TMEM135: variants seen among roughly 807,000 people sequenced by gnomAD.
TMEM135 encodes the protein transmembrane protein 135, also known as peroxisomal membrane protein 52.
A neutral mutation model predicts 60.3 loss-of-function variants in TMEM135; 30 were observed. The ratio of observed to expected loss-of-function variants is 0.50; its 90% CI spans 0.37 to 0.68. The LOEUF is 0.68. Among genes scored for constraint, TMEM135 ranks in the 30% least tolerant of loss-of-function variants. The pLI is 0.00. For synonymous variants in TMEM135, 190 were observed against 186.7 expected, an observed-to-expected ratio of 1.02 and a Z score of -0.14; for missense variants, 468 against 548.8, an observed-to-expected ratio of 0.85 and a Z score of 1.47.
At chr11:87,253,641 AT>A (rs1941465239) in intron 6 of TMEM135, among the ~76,000 whole-genome samples, 1 of 900 alleles carries the variant, frequency 1.1e-3, no homozygotes, top group African/African-American at 4.7e-3. Context: ...CCATATATAT[AT>A]ATATATATAT....
chr11:87,082,309 A>T (rs186640989), intron 3 of TMEM135, among the ~76,000 whole-genome samples: 1 of 152,308 alleles, frequency 6.6e-6, no homozygotes, highest in East Asian at 1.9e-4. Flanking sequence ...CTGAAAAAGT[A>T]TTCTTGACTT....
At chr11:87,143,528 T>C (rs1229635602) in intron 4 of TMEM135, among the ~76,000 whole-genome samples, 4 of 152,148 alleles carry the variant, frequency 2.6e-5, no homozygotes, top group African/African-American at 9.7e-5. Flanking sequence ...GCCAGTAGGC[T>C]TTTGCTTTCT....
chr11:87,148,003 G>T (rs956450773), intron 4 of TMEM135, among the ~76,000 whole-genome samples: 9 of 152,072 alleles, frequency 5.9e-5, no homozygotes, highest in Non-Finnish European at 1.2e-4. Context: ...AGATCTGCCC[G>T]CTTCAGTCTC....
At chr11:87,179,095 T>C (rs1277796682) in intron 5 of TMEM135, among the ~76,000 whole-genome samples, 5 of 152,214 alleles carry the variant, frequency 3.3e-5, no homozygotes, top group African/African-American at 9.7e-5. Flanking sequence ...GTAATTTTTA[T>C]GGTAATTTTC....
At chr11:87,286,540 G>A (rs937765572) in intron 6 of TMEM135, among the ~76,000 whole-genome samples, 3 of 152,234 alleles carry the variant, frequency 2.0e-5, no homozygotes, top group Non-Finnish European at 4.4e-5. Flanking sequence ...GCCCTTAGGC[G>A]GTCGATGGGA....
chr11:87,246,676 T>G (rs1360714098), intron 6 of TMEM135, among the ~76,000 whole-genome samples: 2 of 146,034 alleles, frequency 1.4e-5, no homozygotes, highest in Admixed American at 6.9e-5. Context: ...CTTCACGTAG[T>G]TCTCGAGCCT....
intron 14 of TMEM135, 126 bp downstream of exon 14, chr11:87,319,503 C>A: frequency 1.4e-6 from 1 of 703,878 alleles, no homozygotes; most frequent in South Asian, 1.8e-5. Flanking sequence ...CTAAGAATAA[C>A]ATGGGGCGTT....
chr11:87,195,812 G>A (rs1168301151), intron 5 of TMEM135, among the ~76,000 whole-genome samples: 4 of 152,238 alleles, frequency 2.6e-5, no homozygotes, highest in South Asian at 2.1e-4. Flanking sequence ...GTTGATGTTC[G>A]ATGTTATTAA....
intron 4 of TMEM135, among the ~76,000 whole-genome samples, chr11:87,116,131 A>G (rs775579952): frequency 1.3e-5 from 2 of 152,090 alleles, no homozygotes; most frequent in African/African-American, 4.8e-5. Context: ...AGTTTGGCCA[A>G]TGAGATGTGT....
At chr11:87,159,611 A>ACACG (rs1565466399) in intron 5 of TMEM135, among the ~76,000 whole-genome samples, 2 of 144,488 alleles carry the variant, frequency 1.4e-5, no homozygotes, top group African/African-American at 2.6e-5. Flanking sequence ...ACACACACAC[A>ACACG]CACACACCAT....
intron 5 of TMEM135, among the ~76,000 whole-genome samples, chr11:87,212,463 G>A (rs951736053): frequency 1.3e-5 from 2 of 152,126 alleles, no homozygotes; most frequent in South Asian, 2.1e-4. Flanking sequence ...TCAAGAAAGG[G>A]AGAACAAAGG....
At chr11:87,106,734 TG>T (rs1235902498) in intron 4 of TMEM135, among the ~76,000 whole-genome samples, 1 of 152,206 alleles carries the variant, frequency 6.6e-6, no homozygotes, top group Admixed American at 6.5e-5. Context: ...TACTCATTAT[TG>T]GTTGTATAAG....
intron 6 of TMEM135, among the ~76,000 whole-genome samples, chr11:87,247,704 CG>C (rs1159499386): frequency 2.0e-5 from 3 of 152,152 alleles, no homozygotes; most frequent in Non-Finnish European, 2.9e-5. Context: ...TTAAGCCTGT[CG>C]GAAAAGCGCA....
chr11:87,319,230 C>A, intron 13 of TMEM135, 80 bp from the exon 14 acceptor site: 1 of 1,185,642 alleles, frequency 8.4e-7, no homozygotes, highest in Non-Finnish European at 1.3e-6. Context: ...CCAACTTAAA[C>A]ATCAATACAC....
intron 1 of TMEM135, among the ~76,000 whole-genome samples, chr11:87,061,894 G>T (rs1311831443): frequency 6.6e-6 from 1 of 152,170 alleles, no homozygotes; most frequent in Non-Finnish European, 1.5e-5. Flanking sequence ...TGTGCCCATC[G>T]TATTAGTCAG....
intron 4 of TMEM135, chr11:87,121,730 T>A (rs1937599886): frequency 1.4e-5 from 2 of 142,032 alleles, no homozygotes; most frequent in African/African-American, 5.2e-5. Flanking sequence ...AACCTCCACC[T>A]CCTGGGTTCA....
At chr11:87,230,655 A>G (rs1940870935) in intron 5 of TMEM135, among the ~76,000 whole-genome samples, 1 of 152,062 alleles carries the variant, frequency 6.6e-6, no homozygotes, top group Non-Finnish European at 1.5e-5. Context: ...TAAAGTTAAA[A>G]TATGTAAAGT....
intron 5 of TMEM135, among the ~76,000 whole-genome samples, chr11:87,195,599 G>A (rs60619624): frequency 1.3e-5 from 2 of 151,834 alleles, no homozygotes; most frequent in Non-Finnish European, 2.9e-5. Flanking sequence ...TAGTAAAGAC[G>A]GGGTTTCTCC....
chr11:87,263,339 AT>A (rs1008273662), intron 6 of TMEM135, among the ~76,000 whole-genome samples: 25 of 152,164 alleles, frequency 1.6e-4, no homozygotes, highest in African/African-American at 5.8e-4. Context: ...GATTCTTCAT[AT>A]TTTGTTACTG....
Sources: allele counts gnomAD v4.1 joint callset (sites outside exome capture counted in the v4.1 genomes callset), GRCh38; gene constraint gnomAD v4.1.1; transcripts MANE v1.5; gene names NCBI Gene and HGNC (gene_info 2026-07-23, HGNC 2026-07-21).